Variants in LRP1B observed in about 807,000 individuals in gnomAD.
LRP1B encodes the protein low-density lipoprotein receptor-related protein 1B.
Under a neutral mutation model 556.6 loss-of-function variants are expected in LRP1B, and 217 were observed. The observed-to-expected ratio is 0.39, with a 90% CI of 0.35 to 0.44. LRP1B has a LOEUF of 0.44. Among genes scored for constraint, LRP1B ranks in the 20% least tolerant of loss-of-function variants. The pLI is 1.00. For synonymous variants in LRP1B, 2,047 were observed against 1,865.8 expected (o/e 1.10, Z -2.50); for missense variants, 5,053 against 5,620.8 (o/e 0.90, Z 3.23).
intron 3 of LRP1B, among the ~76,000 whole-genome samples, chr2:141,334,703 C>G (rs919229827): frequency 6.6e-6 from 1 of 152,120 alleles, no homozygotes; most frequent in African/African-American, 2.4e-5. Context: ...AGGCACCCAC[C>G]ACTATGCCAG....
At chr2:141,544,297 T>C (rs943190172) in intron 2 of LRP1B, among the ~76,000 whole-genome samples, 1 of 908 alleles carries the variant, frequency 1.1e-3, no homozygotes, top group Non-Finnish European at 2.6e-3. Context: ...AATTTACCAC[T>C]CTTCTTCTTC....
chr2:141,149,116 GA>G (rs1701857745), intron 7 of LRP1B, among the ~76,000 whole-genome samples: 1 of 152,130 alleles, frequency 6.6e-6, no homozygotes, highest in African/African-American at 2.4e-5. Context: ...GGGGTGGAAA[GA>G]ATGTTCAAGA....
rs192517726 is a variant in LRP1B, at chr2:141,098,217, T to C, written c.1014-35944A>G. 1.1e-4 allele frequency among the ~76,000 whole-genome samples: 16 copies of C among 152,210 alleles called. No individual in the cohort carries two copies. In the East Asian group the frequency reaches 3.1e-3, roughly 29 times the overall value. ...GTCCTGATTCAAACTATATGGTATC[T>C]TTTAAATTGGTTGTAAAAATACTGG... On this transcript the variant is annotated intron_variant, in intron 7 of 90. Coordinates refer to ENST00000389484, the MANE Select transcript of LRP1B (RefSeq NM_018557.3).
Position 140,278,404 on chromosome 2 carries a change from A to G in LRP1B, c.12968-3806T>C, listed in dbSNP as rs572986192. On this transcript the variant is annotated intron_variant, in intron 84 of 90. Coordinates refer to ENST00000389484, the MANE Select transcript of LRP1B (RefSeq NM_018557.3). ...TTTTCTTTTTAATAAAAGGCACATA[A>G]GCAACCTTAGAATGTTTTAGAAATT... Among the ~76,000 whole-genome samples the G allele has an allele frequency of 3.3e-5, 5 of 152,194 alleles. No individual in the cohort carries two copies. In the East Asian group the frequency reaches 9.7e-4, roughly 30 times the overall value.
chr2:141,266,939 T>C (rs950334128), intron 3 of LRP1B, among the ~76,000 whole-genome samples: 1 of 152,218 alleles, frequency 6.6e-6, no homozygotes, highest in African/African-American at 2.4e-5. Context: ...ATGTTTACTT[T>C]AGCATAATCT....
At position 141,342,274 on chromosome 2, in the gene LRP1B, AAAATAAAT is replaced by A. The variant is rs5834823; in HGVS notation, c.344-87641_344-87634del. Among the ~76,000 whole-genome samples the A allele has an allele frequency of 8.4e-3, 1,194 of 142,072 alleles. 14 individuals are homozygous for A. The highest frequency in any genetic ancestry group is 0.028 in the African/African-American group (1,086 of 38,684). The allele number at this position is 142,072 out of a possible 152,430, so 93.2% of individuals were successfully genotyped here. On this transcript the variant is annotated intron_variant, in intron 3 of 90. Coordinates refer to ENST00000389484, the MANE Select transcript of LRP1B (RefSeq NM_018557.3). ...AAAAAAAAATAAAATAAATAAAAAT[AAAATAAAT>A]AAATAAATAAATAAATAAAAGGTAT...
chr2:140,702,001 C>G (rs1264176622), intron 39 of LRP1B, 140 bp downstream of exon 39: 2 of 1,297,200 alleles, frequency 1.5e-6, no homozygotes, highest in Non-Finnish European at 2.1e-6. Flanking sequence ...AGCAAGAGTA[C>G]CTGCCTTTTC....
At chr2:140,412,283 C>T (rs557359862) in intron 66 of LRP1B, among the ~76,000 whole-genome samples, 10 of 152,058 alleles carry the variant, frequency 6.6e-5, no homozygotes, top group African/African-American at 9.7e-5. Flanking sequence ...TAATAATAAA[C>T]GTCTGAGATA....
chr2:140,569,775 G>A (rs2105102358), intron 43 of LRP1B, among the ~76,000 whole-genome samples: 1 of 151,890 alleles, frequency 6.6e-6, no homozygotes, highest in South Asian at 2.1e-4. Context: ...CATTCTCCAG[G>A]ATAGACCATA....
chr2:141,057,244 A>G (rs1699202275), intron 9 of LRP1B, among the ~76,000 whole-genome samples: 1 of 152,042 alleles, frequency 6.6e-6, no homozygotes, highest in Non-Finnish European at 1.5e-5. Flanking sequence ...AGTATAAGCA[A>G]AAGTTTTTTA....
intron 7 of LRP1B, among the ~76,000 whole-genome samples, chr2:141,107,473 C>T (rs910598983): frequency 2.6e-5 from 4 of 152,032 alleles, no homozygotes; most frequent in Admixed American, 2.6e-4. Flanking sequence ...TGGTGAAACC[C>T]TTTTTCTACT....
intron 1 of LRP1B, among the ~76,000 whole-genome samples, chr2:141,838,008 C>G (rs532452601): frequency 6.6e-6 from 1 of 152,204 alleles, no homozygotes; most frequent in Admixed American, 6.5e-5. Flanking sequence ...TAGGAGTAAA[C>G]GTGGAGCCGG....
intron 16 of LRP1B, among the ~76,000 whole-genome samples, chr2:140,992,836 G>T (rs1697132242): frequency 6.6e-6 from 1 of 151,696 alleles, no homozygotes; most frequent in South Asian, 2.1e-4. Context: ...TTTTTTTGTG[G>T]GTTCAAACTT....
intron 2 of LRP1B, among the ~76,000 whole-genome samples, chr2:141,666,980 T>TC (rs1304968693): frequency 7.4e-6 from 1 of 135,106 alleles, no homozygotes; most frequent in Non-Finnish European, 1.7e-5. Context: ...TATTTCTAGA[T>TC]TTTTTTTTTT....
intron 3 of LRP1B, among the ~76,000 whole-genome samples, chr2:141,343,275 C>G (rs528177072): frequency 6.6e-6 from 1 of 152,156 alleles, no homozygotes; most frequent in African/African-American, 2.4e-5. Flanking sequence ...TTTATCTCTA[C>G]TTAACATACC....
At chr2:140,604,778 A>T (rs1434278210) in intron 41 of LRP1B, among the ~76,000 whole-genome samples, 5 of 151,942 alleles carry the variant, frequency 3.3e-5, no homozygotes, top group Non-Finnish European at 7.4e-5. Context: ...GGAGGGACCC[A>T]GTCGGGGGTA....
At position 141,319,299 on chromosome 2, in the gene LRP1B, G is replaced by GTTTTTTTTTTTTTTT. The variant is rs201761576; in HGVS notation, c.344-64659_344-64658insAAAAAAAAAAAAAAA. On this transcript the variant is annotated intron_variant, in intron 3 of 90. Coordinates refer to ENST00000389484, the MANE Select transcript of LRP1B (RefSeq NM_018557.3). The stretch of plus-strand genomic sequence containing the variant: ...CATAATGTAGTCTCTAAAAAGCAGT[G>GTTTTTTTTTTTTTTT]TTTTTTTGTTGTTTTTTTTTTTTTT... Among the ~76,000 whole-genome samples the GTTTTTTTTTTTTTTT allele has an allele frequency of 2.3e-3, 189 of 80,452 alleles. 39 individuals are homozygous for GTTTTTTTTTTTTTTT. Among genetic ancestry groups the GTTTTTTTTTTTTTTT allele is most frequent in the African/African-American group, 9.1e-3 (178 of 19,620 alleles). The allele number at this position is 80,452 out of a possible 152,430, so 52.8% of individuals were successfully genotyped here.
At chr2:141,044,087 A>G (rs1698790900) in intron 11 of LRP1B, among the ~76,000 whole-genome samples, 1 of 151,906 alleles carries the variant, frequency 6.6e-6, no homozygotes, top group African/African-American at 2.4e-5. Flanking sequence ...GATCAATGGA[A>G]CAGAACAGAG....
chr2:141,076,308 G>T lies in LRP1B; in HGVS notation c.1014-14035C>A, dbSNP rs150075657. ...TTCTTGACCAGGATGAGCTTCAGGG[G>T]TTCCATCAACAACCAGTTGTGTAGG... On this transcript the variant is annotated intron_variant, in intron 7 of 90. Coordinates refer to ENST00000389484, the MANE Select transcript of LRP1B (RefSeq NM_018557.3). 1.6e-3 allele frequency among the ~76,000 whole-genome samples: 245 copies of T among 152,274 alleles called. 2 individuals carry two copies. Among genetic ancestry groups the T allele is most frequent in the African/African-American group, 5.7e-3 (237 of 41,560 alleles).
Sources: allele counts gnomAD v4.1 joint callset (sites outside exome capture counted in the v4.1 genomes callset), GRCh38; gene constraint gnomAD v4.1.1; transcripts MANE v1.5; gene names NCBI Gene and HGNC (gene_info 2026-07-23, HGNC 2026-07-21).